The following PSME3IP1 variants were observed in gnomAD, a reference collection of about 807,000 sequenced individuals.
PSME3IP1 encodes the protein PSME3-interacting protein.
In PSME3IP1, 13 loss-of-function variants were observed where a neutral mutation model predicts 34.1. The ratio of observed to expected loss-of-function variants is 0.38; its 90% CI spans 0.25 to 0.61. The LOEUF (loss-of-function observed/expected upper bound fraction) is 0.61. PSME3IP1 is among the 20% of genes least tolerant of loss of function. The pLI is 0.60. For missense variants in PSME3IP1, 237 were observed against 301.4 expected, an observed-to-expected ratio of 0.79 and a Z score of 1.58; for synonymous variants, 93 against 114.3, an observed-to-expected ratio of 0.81 and a Z score of 1.19.
intron 1 of PSME3IP1, 200 bp from the exon 2 acceptor site, chr16:57,174,069 A>G: frequency 6.2e-6 from 3 of 487,608 alleles, no homozygotes; most frequent in Non-Finnish European, 1.1e-5. Flanking sequence ...GCCGAGGCGC[A>G]TGGATCACGA....
chr16:57,155,276 C>T (rs1449986969), intron 6 of PSME3IP1, among the ~76,000 whole-genome samples: 1 of 152,148 alleles, frequency 6.6e-6, no homozygotes, highest in African/African-American at 2.4e-5. Context: ...CTTTTTCTTA[C>T]AGGAAACCCA....
chr16:57,163,950 G>C, intron 6 of PSME3IP1, 51 bp downstream of exon 6: 1 of 1,523,534 alleles, frequency 6.6e-7, no homozygotes, highest in Non-Finnish European at 9.1e-7. Context: ...GCCCTTTACT[G>C]TGGTTCATGT....
At chr16:57,163,156 C>T (rs1380576362) in intron 6 of PSME3IP1, among the ~76,000 whole-genome samples, 4 of 151,438 alleles carry the variant, frequency 2.6e-5, no homozygotes, top group African/African-American at 7.3e-5. Context: ...CAGAGTGAGA[C>T]TCCATCTCAA....
intron 1 of PSME3IP1, among the ~76,000 whole-genome samples, chr16:57,176,847 TTATATA>T (rs146498487): frequency 1.3e-5 from 2 of 151,896 alleles, no homozygotes; most frequent in Admixed American, 1.3e-4. Context: ...TTCATTCTTG[TTATATA>T]TATATAATTT....
chr16:57,160,266 C>T (rs1321869987), intron 6 of PSME3IP1, among the ~76,000 whole-genome samples: 3 of 149,126 alleles, frequency 2.0e-5, no homozygotes, highest in South Asian at 4.2e-4. Context: ...GTCCGCAGTC[C>T]GGCCTGGGCG....
intron 5 of PSME3IP1, among the ~76,000 whole-genome samples, chr16:57,164,481 A>G (rs1286136238): frequency 1.3e-5 from 2 of 152,220 alleles, no homozygotes; most frequent in African/African-American, 4.8e-5. Context: ...TTTTCACTAA[A>G]ACAATGTATA....
intron 6 of PSME3IP1, among the ~76,000 whole-genome samples, chr16:57,156,001 C>G (rs1323737595): frequency 7.2e-5 from 11 of 151,762 alleles, no homozygotes; most frequent in African/African-American, 1.5e-4. Context: ...ACAAACAAAA[C>G]AAAGAAAGAA....
intron 1 of PSME3IP1, among the ~76,000 whole-genome samples, chr16:57,184,274 C>G (rs1344386870): frequency 6.6e-6 from 1 of 151,058 alleles, no homozygotes; most frequent in Non-Finnish European, 1.5e-5. Context: ...TGGGAAGAAG[C>G]AATATATGCA....
intron 1 of PSME3IP1, among the ~76,000 whole-genome samples, chr16:57,184,617 C>A (rs1197186156): frequency 1.3e-5 from 2 of 152,224 alleles, no homozygotes; most frequent in Non-Finnish European, 2.9e-5. Context: ...CTATGACTGA[C>A]CCTGTACGTA....
intron 6 of PSME3IP1, among the ~76,000 whole-genome samples, chr16:57,158,225 T>C (rs2070788288): frequency 6.6e-6 from 1 of 152,262 alleles, no homozygotes; most frequent in African/African-American, 2.4e-5. Flanking sequence ...TAAAAATACA[T>C]TGTAGTACTT....
Position 57,170,969 on chromosome 16 carries a change from A to G in PSME3IP1, c.348+1282T>C, listed in dbSNP as rs554418550. Among the ~76,000 whole-genome samples, 3 of 152,256 alleles carry G rather than the reference A, an allele frequency of 2.0e-5. No homozygotes were observed. In the East Asian group the frequency reaches 5.8e-4, roughly 29 times the overall value. On this transcript the variant is annotated intron_variant, in intron 4 of 6. Coordinates refer to ENST00000309137, the MANE Select transcript of PSME3IP1 (RefSeq NM_024946.4). ...GCACCTGTAACCCCAGCTACTTGGG[A>G]GGCTGAGACAGGAGAATCGCTTGAA...
intron 6 of PSME3IP1, among the ~76,000 whole-genome samples, chr16:57,157,239 C>A (rs1371033945): frequency 6.8e-6 from 1 of 148,076 alleles, no homozygotes; most frequent in Non-Finnish European, 1.5e-5. Flanking sequence ...CTTGAACTGG[C>A]GAAGCTGAGG....
At chr16:57,183,190 G>C (rs1046379134) in intron 1 of PSME3IP1, among the ~76,000 whole-genome samples, 3 of 152,122 alleles carry the variant, frequency 2.0e-5, no homozygotes, top group African/African-American at 7.2e-5. Context: ...GGTATATGAA[G>C]AATAACCATC....
In PSME3IP1 at chr16:57,178,656, C is replaced by T. The variant is rs995153764; in HGVS notation, c.-15-4787G>A. On this transcript the variant is annotated intron_variant, in intron 1 of 6. Transcript: ENST00000309137. Reference sequence around the variant, plus strand: ...CAGTATCATGGGAATTCTATTCAAACGCCATACAATTTGTGCAGTAAGAAA... The same window carrying T: ...CAGTATCATGGGAATTCTATTCAAATGCCATACAATTTGTGCAGTAAGAAA... The T allele has an allele frequency of 1.1e-4, 110 of 985,094 alleles. No homozygotes were observed. The Admixed American group carries it at 1.4e-3, about 12-fold the overall frequency. 61.0% of individuals were successfully genotyped at this position (985,094 alleles called of 1,614,324 possible). A position where few individuals can be genotyped will look rare whatever the true frequency, so the allele number is the denominator to read the frequency against.
chr16:57,185,846 A>G lies in PSME3IP1; in HGVS notation c.-41T>C, dbSNP rs2074134235. 1 of 984,692 alleles carries G rather than the reference A, an allele frequency of 1.0e-6. No individual in the cohort carries two copies. Among genetic ancestry groups the G allele is most frequent in the South Asian group, 4.7e-5 (1 of 21,258 alleles). 61.0% of individuals were successfully genotyped at this position (984,692 alleles called of 1,614,324 possible). A position where few individuals can be genotyped will look rare whatever the true frequency, so the allele number is the denominator to read the frequency against. ...CTACCGGCGCGCGGGAGGCGAGACGACCTCACCTCGGCGGCGCCCACCCCA... is the reference window on the plus strand; with the variant it reads ...CTACCGGCGCGCGGGAGGCGAGACGGCCTCACCTCGGCGGCGCCCACCCCA... On this transcript the variant is annotated 5_prime_UTR_variant, in exon 1 of 7. Transcript: ENST00000309137.
chr16:57,154,133 G>A lies in PSME3IP1; in HGVS notation c.*157C>T. The A allele has an allele frequency of 1.5e-6, 1 of 650,176 alleles. No individual in the cohort carries two copies. The highest frequency in any genetic ancestry group is 2.6e-6 in the Non-Finnish European group (1 of 380,038). The allele number at this position is 650,176 out of a possible 1,614,324, so 40.3% of individuals were successfully genotyped here. On this transcript the variant is annotated 3_prime_UTR_variant, in exon 7 of 7. Coordinates refer to ENST00000309137, the MANE Select transcript of PSME3IP1 (RefSeq NM_024946.4). The surrounding 1 kb of genome is among the most constrained non-coding windows in gnomAD (Gnocchi z 4.0). The stretch of plus-strand genomic sequence containing the variant: ...CCAAACACGATTCGGGCCACAGGTG[G>A]ATTCTGGCACATTTTTAGATTGGAT...
At chr16:57,172,609 A>T (rs2072716181) in intron 3 of PSME3IP1, among the ~76,000 whole-genome samples, 167 bp downstream of exon 3, 1 of 152,250 alleles carries the variant, frequency 6.6e-6, no homozygotes, top group South Asian at 2.1e-4. Context: ...AAAAATATTC[A>T]ATGTGGTCTA....
intron 4 of PSME3IP1, among the ~76,000 whole-genome samples, chr16:57,168,696 G>T (rs139834648): frequency 6.6e-6 from 1 of 151,106 alleles, no homozygotes; most frequent in South Asian, 2.1e-4. Context: ...CCAGCTAGTC[G>T]GGAGGCTGAG....
chr16:57,160,661 T>A (rs1282811848), intron 6 of PSME3IP1, among the ~76,000 whole-genome samples: 2 of 152,198 alleles, frequency 1.3e-5, no homozygotes, highest in African/African-American at 4.8e-5. Context: ...GGATAAATGA[T>A]ATACCCATGC....
Sources: allele counts gnomAD v4.1 joint callset (sites outside exome capture counted in the v4.1 genomes callset), GRCh38; gene constraint gnomAD v4.1.1; non-coding constraint Gnocchi (gnomAD v3.1); transcripts MANE v1.5; gene names NCBI Gene and HGNC (gene_info 2026-07-23, HGNC 2026-07-21).